Variants in CABCOCO1 observed in about 807,000 individuals in gnomAD.
CABCOCO1 encodes the protein ciliary associated calcium binding coiled-coil 1, also known as ciliary-associated calcium-binding coiled-coil protein 1.
In CABCOCO1, 28 loss-of-function variants were observed where a neutral mutation model predicts 35.7. That is an observed-to-expected ratio of 0.78 (90% CI 0.58 to 1.07). The LOEUF (loss-of-function observed/expected upper bound fraction) is 1.07. Ranked by LOEUF, CABCOCO1 falls within the 50% of genes least tolerant of loss-of-function variation. CABCOCO1 has a pLI of 0.00. For synonymous variants in CABCOCO1, 95 were observed against 100.1 expected, an observed-to-expected ratio of 0.95 and a Z score of 0.30; for missense variants, 326 against 309.2, an observed-to-expected ratio of 1.05 and a Z score of -0.41.
At chr10:61,740,958 C>A (rs183161844) in intron 5 of CABCOCO1, among the ~76,000 whole-genome samples, 1 of 152,030 alleles carries the variant, frequency 6.6e-6, no homozygotes, top group African/African-American at 2.4e-5. Flanking sequence ...ACCAGCCTGA[C>A]CAACATGGTG....
At chr10:61,704,570 T>A (rs1287235990) in intron 5 of CABCOCO1, among the ~76,000 whole-genome samples, 1 of 152,150 alleles carries the variant, frequency 6.6e-6, no homozygotes. Flanking sequence ...CAGGCCTGAC[T>A]GACAGCTTGA....
At position 61,703,712 on chromosome 10, in the gene CABCOCO1, T is replaced by TTC. The variant is rs1246531009; in HGVS notation, c.552+13102_552+13103dup. Among the ~76,000 whole-genome samples, 275 of 148,836 alleles carry TTC rather than the reference T, an allele frequency of 1.8e-3. 1 individual carries two copies. Among genetic ancestry groups the TTC allele is most frequent in the Non-Finnish European group, 3.3e-3 (222 of 66,306 alleles). ...CTTCAGGCCTGCCTCTACTTACTCT[T>TTC]TCTCTCTCTCTCACACACACACACA... On this transcript the variant is annotated intron_variant, in intron 5 of 7. Transcript: ENST00000648843.
chr10:61,732,644 A>G (rs1175127686), intron 5 of CABCOCO1, among the ~76,000 whole-genome samples: 5 of 152,120 alleles, frequency 3.3e-5, no homozygotes. Flanking sequence ...TATAATCTGT[A>G]TCTATAACTA....
At chr10:61,763,908 CGTG>C (rs1842057800) in intron 7 of CABCOCO1, among the ~76,000 whole-genome samples, 1 of 151,928 alleles carries the variant, frequency 6.6e-6, no homozygotes, top group Non-Finnish European at 1.5e-5. Flanking sequence ...ATTGACTAGA[CGTG>C]GAGCCTTTAG....
intron 1 of CABCOCO1, among the ~76,000 whole-genome samples, chr10:61,664,251 A>G (rs1163332166): frequency 6.6e-6 from 1 of 152,214 alleles, no homozygotes; most frequent in Admixed American, 6.5e-5. Flanking sequence ...AAAGTAGCAC[A>G]GGAAATTTTC....
intron 5 of CABCOCO1, among the ~76,000 whole-genome samples, chr10:61,746,090 T>C (rs1841653864): frequency 6.6e-6 from 1 of 152,222 alleles, no homozygotes; most frequent in Non-Finnish European, 1.5e-5. Flanking sequence ...GCCTATGCTC[T>C]TTCTGGCTCT....
rs556574783 is a variant in CABCOCO1 at position 61,686,023 on chromosome 10, C to T, written c.335-18C>T. The T allele has an allele frequency of 6.3e-6, 10 of 1,577,204 alleles. No individual in the cohort carries two copies. The African/African-American group carries it at 1.2e-4, about 20-fold the overall frequency. ...TCTATCAAAATAATAATTAAGATTTCTCTGGATTTTATTTCAGCACTACAT... is the reference window on the plus strand; with the variant it reads ...TCTATCAAAATAATAATTAAGATTTTTCTGGATTTTATTTCAGCACTACAT... On this transcript the variant is annotated intron_variant, in intron 3 of 7. Coordinates refer to ENST00000648843, the MANE Select transcript of CABCOCO1 (RefSeq NM_001366906.2).
chr10:61,765,926 A>G lies in CABCOCO1; in HGVS notation c.817-13A>G. 1 of 1,609,408 alleles carries G rather than the reference A, an allele frequency of 6.2e-7. No homozygotes were observed. The highest frequency in any genetic ancestry group is 8.5e-7 in the Non-Finnish European group (1 of 1,176,946). ...CTCCATCATAACCACGTTTTTTATG[A>G]TTGTCTTCACAGACCGAGATAAACG... On this transcript the variant is annotated splice_polypyrimidine_tract_variant and intron_variant, in intron 7 of 7. Coordinates refer to ENST00000648843, the MANE Select transcript of CABCOCO1 (RefSeq NM_001366906.2).
chr10:61,699,534 T>C (rs1840392113), intron 5 of CABCOCO1, among the ~76,000 whole-genome samples: 1 of 152,144 alleles, frequency 6.6e-6, no homozygotes, highest in Non-Finnish European at 1.5e-5. Flanking sequence ...AGCTTGCTCA[T>C]TTCCCTCTGC....
intron 5 of CABCOCO1, among the ~76,000 whole-genome samples, chr10:61,755,978 T>G (rs960517243): frequency 3.3e-5 from 5 of 152,046 alleles, no homozygotes; most frequent in Admixed American, 2.0e-4. Flanking sequence ...AAATTCTTAG[T>G]GTTTATTCCC....
intron 5 of CABCOCO1, among the ~76,000 whole-genome samples, chr10:61,698,237 T>C (rs965852370): frequency 2.6e-5 from 4 of 152,182 alleles, no homozygotes; most frequent in Admixed American, 2.6e-4. Context: ...TAGGTATAGC[T>C]TTATTTGTAA....
chr10:61,691,851 C>T (rs548701603), intron 5 of CABCOCO1, among the ~76,000 whole-genome samples: 1 of 152,230 alleles, frequency 6.6e-6, no homozygotes, highest in East Asian at 1.9e-4. Context: ...GCATAGTATT[C>T]CATGGTGTAT....
chr10:61,683,609 T>C (rs1012532174), intron 3 of CABCOCO1, among the ~76,000 whole-genome samples: 1 of 152,134 alleles, frequency 6.6e-6, no homozygotes, highest in Non-Finnish European at 1.5e-5. Flanking sequence ...CTACTAATAA[T>C]AAAGGTCAGT....
At chr10:61,665,009 A>G (rs1022964118) in intron 1 of CABCOCO1, among the ~76,000 whole-genome samples, 9 of 152,218 alleles carry the variant, frequency 5.9e-5, no homozygotes, top group Non-Finnish European at 7.3e-5. Flanking sequence ...TGACTTAGCC[A>G]GTAGCCCATG....
intron 3 of CABCOCO1, among the ~76,000 whole-genome samples, chr10:61,681,777 A>G (rs540966217): frequency 6.6e-6 from 1 of 152,300 alleles, no homozygotes; most frequent in South Asian, 2.1e-4. Context: ...GTGCAGAACT[A>G]CATGCTTTTA....
intron 5 of CABCOCO1, among the ~76,000 whole-genome samples, chr10:61,729,996 T>C: frequency 6.6e-6 from 1 of 152,076 alleles, no homozygotes; most frequent in Non-Finnish European, 1.5e-5. Flanking sequence ...TCTAGAGATC[T>C]CCTGCGCAAC....
At chr10:61,751,323 G>A (rs981251739) in intron 5 of CABCOCO1, among the ~76,000 whole-genome samples, 3 of 149,964 alleles carry the variant, frequency 2.0e-5, no homozygotes, top group Admixed American at 6.7e-5. Context: ...TGGAGCTCGA[G>A]ATCTGTGAAG....
intron 5 of CABCOCO1, among the ~76,000 whole-genome samples, chr10:61,720,793 T>C (rs974461763): frequency 4.6e-5 from 7 of 151,992 alleles, no homozygotes; most frequent in African/African-American, 1.7e-4. Flanking sequence ...GAACAGTCTA[T>C]ATAGCGGTGA....
At chr10:61,755,142 T>C (rs965032727) in intron 5 of CABCOCO1, among the ~76,000 whole-genome samples, 14 of 152,164 alleles carry the variant, frequency 9.2e-5, no homozygotes, top group Non-Finnish European at 1.9e-4. Context: ...GATTAATTAG[T>C]TTCTCTGATA....
Sources: gnomAD v4.1 joint callset for allele counts (sites outside exome capture counted in the v4.1 genomes callset) on GRCh38, gnomAD v4.1.1 for gene constraint, MANE v1.5 for transcripts, NCBI Gene and HGNC (gene_info 2026-07-23, HGNC 2026-07-21) for gene names.